Variants in MYO1E observed in about 807,000 individuals in gnomAD.
MYO1E encodes unconventional myosin-Ie.
In MYO1E, 68 loss-of-function variants were observed where a neutral mutation model predicts 151.1. That is an observed-to-expected ratio of 0.45 (90% confidence interval 0.37 to 0.55). MYO1E has a LOEUF of 0.55. Among genes scored for constraint, MYO1E ranks in the 20% least tolerant of loss-of-function variants. The pLI, the probability that MYO1E is intolerant of heterozygous loss-of-function variation, is 0.00. For missense variants in MYO1E, 1,363 were observed against 1,389.3 expected (o/e 0.98, Z 0.30); for synonymous variants, 601 against 501.7 (o/e 1.20, Z -2.64).
intron 16 of MYO1E, among the ~76,000 whole-genome samples, chr15:59,200,727 G>A (rs1432006435): frequency 1.3e-5 from 2 of 152,232 alleles, no homozygotes; most frequent in Non-Finnish European, 2.9e-5. Flanking sequence ...CTTGTGTTCA[G>A]TATGCCTCAG....
chr15:59,215,582 G>T (rs1050921162), intron 10 of MYO1E, among the ~76,000 whole-genome samples: 1 of 152,102 alleles, frequency 6.6e-6, no homozygotes, highest in African/African-American at 2.4e-5. Flanking sequence ...GAATGTAAGC[G>T]AACAATTCTT....
rs762700096 is a variant in MYO1E, at chr15:59,153,737, G to C, written c.2933C>G (p.Pro978Arg). Residue 978 changes from proline (P) to arginine (R), a missense_variant, in exon 26 of 28, where the codon CCT (proline) becomes CGT (arginine). Pro to Arg is a moderately radical substitution (Grantham distance 103). Coordinates refer to ENST00000288235, the MANE Select transcript of MYO1E (RefSeq NM_004998.4). ...TTTCTGATTGGACCTCTGGCTTCCA[G>C]GAGCATGGGGATATGGCACATACTG... Reference protein sequence around the residue: ...RNQYVPYPHAPGSQRSNQKSL... With the variant: ...RNQYVPYPHARGSQRSNQKSL... 4 of 1,614,024 alleles carry C rather than the reference G, an allele frequency of 2.5e-6. No homozygotes were observed. Among genetic ancestry groups the C allele is most frequent in the Non-Finnish European group, 2.5e-6 (3 of 1,180,006 alleles).
chr15:59,272,632 G>T (rs1382572277), intron 1 of MYO1E, among the ~76,000 whole-genome samples, 183 bp from the exon 2 acceptor site: 1 of 152,186 alleles, frequency 6.6e-6, no homozygotes, highest in Admixed American at 6.6e-5. Flanking sequence ...TACAGACTAA[G>T]TTAAGTGGGG....
intron 21 of MYO1E, among the ~76,000 whole-genome samples, chr15:59,172,327 A>C (rs1214770423): frequency 6.6e-6 from 1 of 152,194 alleles, no homozygotes; most frequent in Non-Finnish European, 1.5e-5. Context: ...ATTGCACTCC[A>C]GCCTGGGTGA....
intron 1 of MYO1E, among the ~76,000 whole-genome samples, chr15:59,349,817 C>T (rs28533357): frequency 0.013 from 2,051 of 152,250 alleles, 46 homozygotes; most frequent in African/African-American, 0.046. Context: ...GAAGCATTTC[C>T]TTAACAGGCA....
At chr15:59,181,337 G>C (rs2079657355) in intron 18 of MYO1E, among the ~76,000 whole-genome samples, 1 of 152,188 alleles carries the variant, frequency 6.6e-6, no homozygotes, top group African/African-American at 2.4e-5. Flanking sequence ...CTAAGCATCA[G>C]AATCTGTATT....
At chr15:59,209,500 A>AC (rs1300551544) in intron 13 of MYO1E, among the ~76,000 whole-genome samples, 1 of 150,938 alleles carries the variant, frequency 6.6e-6, no homozygotes, top group African/African-American at 2.4e-5. Flanking sequence ...ACATGGTGAA[A>AC]CCCCCTCTCT....
At chr15:59,302,108 T>C (rs1311912698) in intron 1 of MYO1E, among the ~76,000 whole-genome samples, 5 of 151,674 alleles carry the variant, frequency 3.3e-5, no homozygotes, top group African/African-American at 1.2e-4. Context: ...CTCAGGAAAG[T>C]CCCAGGCACC....
intron 1 of MYO1E, among the ~76,000 whole-genome samples, chr15:59,324,214 T>C (rs1167196281): frequency 6.6e-6 from 1 of 152,124 alleles, no homozygotes; most frequent in Non-Finnish European, 1.5e-5. Context: ...CAGACTCCAA[T>C]TAATTCTATT....
intron 26 of MYO1E, among the ~76,000 whole-genome samples, chr15:59,141,136 G>C (rs1273694511): frequency 6.6e-6 from 1 of 152,170 alleles, no homozygotes; most frequent in Non-Finnish European, 1.5e-5. Flanking sequence ...CAGCAACAAG[G>C]AATGAAAGGG....
intron 1 of MYO1E, among the ~76,000 whole-genome samples, chr15:59,287,822 G>A (rs1287500565): frequency 6.6e-6 from 1 of 152,180 alleles, no homozygotes; most frequent in Non-Finnish European, 1.5e-5. Context: ...CCTGGTTCCT[G>A]CCATGCTCCC....
intron 17 of MYO1E, 92 bp from the exon 18 acceptor site, chr15:59,188,308 C>G: frequency 2.1e-6 from 2 of 952,072 alleles, no homozygotes; most frequent in Non-Finnish European, 3.4e-6. Context: ...CAGTTCCAAG[C>G]TGTAGGGAAA....
chr15:59,275,661 G>C (rs563480832), intron 1 of MYO1E, among the ~76,000 whole-genome samples: 7 of 152,296 alleles, frequency 4.6e-5, no homozygotes, highest in South Asian at 4.1e-4. Flanking sequence ...CAAAGGGAGA[G>C]AGTAAAGAAC....
Position 59,174,191 on chromosome 15 carries a change from C to G in MYO1E, c.2099G>C (p.Arg700Pro). Residue 700 changes from arginine to proline, a missense_variant, in exon 20 of 28, where the codon CGA becomes CCA. By Grantham distance (103) the Arg-to-Pro change is moderately radical. Transcript: ENST00000288235. ...TTTCCTCCATGATTTCTGTATCACT[C>G]GAGCATACCCATCATACTTTCTCTC... ...MRERKYDGYA[R>P]VIQKSWRKFV... is the part of the protein sequence containing the mutation. 1 of 1,614,102 alleles carries G rather than the reference C, an allele frequency of 6.2e-7. No individual in the cohort carries two copies. Among genetic ancestry groups the G allele is most frequent in the Non-Finnish European group, 8.5e-7 (1 of 1,179,992 alleles).
intron 26 of MYO1E, among the ~76,000 whole-genome samples, chr15:59,152,566 T>A (rs925379067): frequency 2.0e-5 from 3 of 152,214 alleles, no homozygotes; most frequent in Non-Finnish European, 4.4e-5. Flanking sequence ...CATCACCCTG[T>A]CACCGTCATT....
At chr15:59,313,653 T>C (rs2080567041) in intron 1 of MYO1E, among the ~76,000 whole-genome samples, 1 of 152,190 alleles carries the variant, frequency 6.6e-6, no homozygotes, top group African/African-American at 2.4e-5. Flanking sequence ...ACTTCCACCA[T>C]TCCTGCCAAA....
chr15:59,278,774 C>A (rs1207780694), intron 1 of MYO1E, among the ~76,000 whole-genome samples: 3 of 152,206 alleles, frequency 2.0e-5, no homozygotes, highest in Non-Finnish European at 2.9e-5. Flanking sequence ...CAACCCCTTA[C>A]ACTCCTAGAT....
intron 7 of MYO1E, 62 bp from the exon 8 acceptor site, chr15:59,224,885 T>A: frequency 6.2e-7 from 1 of 1,609,052 alleles, no homozygotes; most frequent in Non-Finnish European, 8.5e-7. Context: ...AAGTCACTCC[T>A]GCATCCTGCA....
chr15:59,330,817 G>C (rs2080693699), intron 1 of MYO1E, among the ~76,000 whole-genome samples: 1 of 152,124 alleles, frequency 6.6e-6, no homozygotes, highest in African/African-American at 2.4e-5. Flanking sequence ...CACCTAGGCT[G>C]AAGTGCAGTG....
Sources: gnomAD v4.1 joint callset for allele counts (sites outside exome capture counted in the v4.1 genomes callset) on GRCh38, gnomAD v4.1.1 for gene constraint, MANE v1.5 for transcripts, NCBI Gene and HGNC (gene_info 2026-07-23, HGNC 2026-07-21) for gene names.